Variants in GRP observed in about 807,000 individuals in gnomAD.
The protein encoded by GRP is gastrin releasing peptide.
In GRP, 11 loss-of-function variants were observed where a neutral mutation model predicts 12.7. The ratio of observed to expected loss-of-function variants is 0.87; its 90% CI spans 0.55 to 1.44. The LOEUF (loss-of-function observed/expected upper bound fraction) is 1.44, where lower values mean the gene tolerates loss of function less well. Ranked by LOEUF, GRP falls within the 40% of genes most tolerant of loss-of-function variation. GRP has a pLI of 0.00. For synonymous variants in GRP, 84 were observed against 77.7 expected (o/e 1.08, Z -0.43); for missense variants, 212 against 185.4 (o/e 1.14, Z -0.83).
chr18:59,219,661 G>A (rs2069795734), upstream of GRP, among the ~76,000 whole-genome samples: 2 of 152,096 alleles, frequency 1.3e-5, no homozygotes, highest in Admixed American at 1.3e-4. Context: ...TCTATGGGCT[G>A]GGACAGCAAA....
intron 1 of GRP, 136 bp from the exon 2 acceptor site, chr18:59,225,356 A>T: frequency 1.2e-6 from 1 of 861,244 alleles, no homozygotes; most frequent in Non-Finnish European, 1.8e-6. Flanking sequence ...ACTAACTCTT[A>T]ATAAAACATG....
intron 2 of GRP, 27 bp downstream of exon 2, chr18:59,225,761 G>T (rs1420211993): frequency 3.1e-6 from 5 of 1,607,638 alleles, no homozygotes. Context: ...TGCAAGATGG[G>T]GTGGGAGGTA....
chr18:59,226,036 G>C (rs1421550271), intron 2 of GRP, among the ~76,000 whole-genome samples: 1 of 151,844 alleles, frequency 6.6e-6, no homozygotes, highest in East Asian at 1.9e-4. Flanking sequence ...AGAATGTTTT[G>C]ATAGTGAGTC....
At chr18:59,222,262 T>C (rs1362567866) in intron 1 of GRP, among the ~76,000 whole-genome samples, 4 of 152,234 alleles carry the variant, frequency 2.6e-5, no homozygotes, top group Non-Finnish European at 5.9e-5. Flanking sequence ...CAAGCCAATC[T>C]TGATTTGCTG....
intron 2 of GRP, among the ~76,000 whole-genome samples, chr18:59,226,354 AC>A (rs1427222295): frequency 3.3e-5 from 5 of 152,236 alleles, no homozygotes; most frequent in Non-Finnish European, 7.3e-5. Context: ...AATAAAATTT[AC>A]AGGAAGAAAG....
At chr18:59,226,991 TCCTTTCTTTCTTTCTTTCTTTCTTTC>T (rs1270366271) in intron 2 of GRP, among the ~76,000 whole-genome samples, 4 of 134,366 alleles carry the variant, frequency 3.0e-5, no homozygotes, top group African/African-American at 1.2e-4. Flanking sequence ...TTTCTTTTCT[TCCTTTCTTTCTTTCTTTCTTTCTTTC>T]TTTCTTTCTT....
chr18:59,226,741 C>T (rs1465164978), intron 2 of GRP, among the ~76,000 whole-genome samples: 1 of 152,190 alleles, frequency 6.6e-6, no homozygotes, highest in Non-Finnish European at 1.5e-5. Flanking sequence ...CTACTTGCTG[C>T]TTCTGACAAT....
intron 1 of GRP, among the ~76,000 whole-genome samples, chr18:59,225,258 A>T (rs2069898364): frequency 6.6e-6 from 1 of 152,166 alleles, no homozygotes; most frequent in Admixed American, 6.5e-5. Context: ...GCTGGAACCA[A>T]ACCCAGGGTT....
At chr18:59,221,757 T>G (rs556614711) in intron 1 of GRP, among the ~76,000 whole-genome samples, 1 of 152,296 alleles carries the variant, frequency 6.6e-6, no homozygotes, top group East Asian at 1.9e-4. Flanking sequence ...GAACTGTTGC[T>G]TCCTCAGCTC....
chr18:59,228,944 C>A (rs1311272805), intron 2 of GRP, among the ~76,000 whole-genome samples: 1 of 152,082 alleles, frequency 6.6e-6, no homozygotes, highest in Non-Finnish European at 1.5e-5. Context: ...ATTTAGTGGA[C>A]ATGAAGAGGG....
chr18:59,227,024 T>TCTTTCTTTCTTTCTTTCTTC (rs1555663431), intron 2 of GRP, among the ~76,000 whole-genome samples: 20 of 145,184 alleles, frequency 1.4e-4, no homozygotes, highest in East Asian at 2.0e-4. Context: ...TTTCTTTCTT[T>TCTTTCTTTCTTTCTTTCTTC]CTTTCTTTCT....
In GRP at chr18:59,230,511, A is replaced by G. The variant is rs1033419565; in HGVS notation, c.*43A>G. 1 of 1,038,446 alleles carries G rather than the reference A, an allele frequency of 9.6e-7. No individual in the cohort carries two copies. Among genetic ancestry groups the G allele is most frequent in the Non-Finnish European group, 1.5e-6 (1 of 654,332 alleles). 64.3% of individuals were successfully genotyped at this position (1,038,446 alleles called of 1,614,324 possible). On this transcript the variant is annotated 3_prime_UTR_variant, in exon 3 of 3. Coordinates refer to ENST00000256857, the MANE Select transcript of GRP (RefSeq NM_002091.5). Reference sequence around the variant, plus strand: ...AAAAGAGAAAAACAAAACCCCTAAGAGACTGCGTTCTGCAAGCATCAGTTC... The same window carrying G: ...AAAAGAGAAAAACAAAACCCCTAAGGGACTGCGTTCTGCAAGCATCAGTTC...
intron 1 of GRP, among the ~76,000 whole-genome samples, chr18:59,224,518 G>C (rs549010327): frequency 6.6e-6 from 1 of 152,264 alleles, no homozygotes; most frequent in South Asian, 2.1e-4. Context: ...CCATAGTTTT[G>C]TTGACGTTAG....
At chr18:59,221,018 C>T (rs2069823909) in intron 1 of GRP, among the ~76,000 whole-genome samples, 1 of 152,256 alleles carries the variant, frequency 6.6e-6, no homozygotes, top group Non-Finnish European at 1.5e-5. Context: ...TCCTTCTCTT[C>T]GCTTTGCAGC....
chr18:59,223,100 C>T (rs939822189), intron 1 of GRP, among the ~76,000 whole-genome samples: 4 of 152,204 alleles, frequency 2.6e-5, no homozygotes, highest in African/African-American at 9.6e-5. Context: ...TTATTCATTT[C>T]TGTTTCAAAC....
At position 59,221,581 on chromosome 18, in the gene GRP, GTGTGTGTGTGTCTC is replaced by G. The variant is rs1401008836; in HGVS notation, c.139+1189_139+1202del. On this transcript the variant is annotated intron_variant, in intron 1 of 2. Coordinates refer to ENST00000256857, the MANE Select transcript of GRP (RefSeq NM_002091.5). ...AGAGTGTGTATGTGTGTGTGTCTCT[GTGTGTGTGTGTCTC>G]TGTGTGTGTGTGTGTGTGTGTATTT... Among the ~76,000 whole-genome samples the G allele has an allele frequency of 7.3e-5, 11 of 149,996 alleles. No individual in the cohort carries two copies. In the East Asian group the frequency reaches 9.7e-4, roughly 13 times the overall value.
chr18:59,229,224 C>A (rs747139246), intron 2 of GRP, among the ~76,000 whole-genome samples: 1 of 152,098 alleles, frequency 6.6e-6, no homozygotes, highest in African/African-American at 2.4e-5. Context: ...TCCTCCCTAC[C>A]CCCAACAATG....
At position 59,230,550 on chromosome 18, in the gene GRP, C is replaced by A. The variant is rs565875399; in HGVS notation, c.*82C>A. 1.4e-5 allele frequency: 11 copies of A among 809,614 alleles called. No individual in the cohort carries two copies. The highest frequency in any genetic ancestry group is 1.1e-4 in the Admixed American group (6 of 54,860). The allele number at this position is 809,614 out of a possible 1,614,324, so 50.2% of individuals were successfully genotyped here. On this transcript the variant is annotated 3_prime_UTR_variant, in exon 3 of 3. Transcript: ENST00000256857. ...AAGCATCAGTTCTACGGATCATCAA[C>A]AAGATTTCCTTGTGCAAAATATTTG...
Position 59,220,215 on chromosome 18 carries a change from T to A in GRP, c.-51T>A. ...TCCTCCGAGGTCCGGGTCACCAGTC[T>A]CTGCTCTTCCCAGCCTCTCCGGCGC... is the stretch of plus-strand genomic sequence containing the variant. On this transcript the variant is annotated 5_prime_UTR_variant, in exon 1 of 3. Coordinates refer to ENST00000256857, the MANE Select transcript of GRP (RefSeq NM_002091.5). The A allele has an allele frequency of 7.3e-7, 1 of 1,367,992 alleles. No homozygotes were observed. The highest frequency in any genetic ancestry group is 2.7e-4 in the Middle Eastern group (1 of 3,728). The allele number at this position is 1,367,992 out of a possible 1,614,324, so 84.7% of individuals were successfully genotyped here.
Sources: gnomAD v4.1 joint callset for allele counts (sites outside exome capture counted in the v4.1 genomes callset) on GRCh38, gnomAD v4.1.1 for gene constraint, MANE v1.5 for transcripts, NCBI Gene and HGNC (gene_info 2026-07-23, HGNC 2026-07-21) for gene names.